Variants in GALNT10 observed in about 807,000 individuals in gnomAD.
The protein encoded by GALNT10 is polypeptide N-acetylgalactosaminyltransferase 10.
A neutral mutation model predicts 75.0 loss-of-function variants in GALNT10; 41 were observed. The observed-to-expected ratio is 0.55, with a 90% CI of 0.43 to 0.71. The LOEUF is 0.71. Among genes scored for constraint, GALNT10 ranks in the 30% least tolerant of loss-of-function variants. The probability of loss-of-function intolerance (pLI) is 0.00; values close to 1 mark genes in which losing one functional copy is unlikely to be tolerated. For missense variants in GALNT10, 727 were observed against 818.5 expected (o/e 0.89, Z 1.36); for synonymous variants, 302 against 313.0 (o/e 0.96, Z 0.37).
intron 1 of GALNT10, among the ~76,000 whole-genome samples, chr5:154,246,934 T>A (rs936189632): frequency 1.1e-4 from 17 of 152,254 alleles, no homozygotes; most frequent in African/African-American, 4.1e-4. Flanking sequence ...AGGGTTTTTA[T>A]GGTTTTAGGT....
Position 154,250,551 on chromosome 5 carries a change from T to C in GALNT10, c.160-44265T>C, listed in dbSNP as rs148550925. 4.7e-3 allele frequency among the ~76,000 whole-genome samples: 720 copies of C among 152,224 alleles called. 5 individuals are homozygous for C. Among genetic ancestry groups the C allele is most frequent in the African/African-American group, 0.016 (683 of 41,542 alleles). ...CAGCATGTACTCCCCAGGTTAAAGT[T>C]TCTCATCGCCCCAAGATGGCTGGTG... is the stretch of plus-strand genomic sequence containing the variant. On this transcript the variant is annotated intron_variant, in intron 1 of 11. Coordinates refer to ENST00000297107, the MANE Select transcript of GALNT10 (RefSeq NM_198321.4).
At chr5:154,306,810 C>A (rs1370427453) in intron 3 of GALNT10, among the ~76,000 whole-genome samples, 2 of 152,064 alleles carry the variant, frequency 1.3e-5, no homozygotes, top group Non-Finnish European at 2.9e-5. Flanking sequence ...ACCTCTGTCT[C>A]AATAACTGGT....
At chr5:154,312,363 C>T (rs1376512062) in intron 3 of GALNT10, among the ~76,000 whole-genome samples, 2 of 152,166 alleles carry the variant, frequency 1.3e-5, no homozygotes, top group African/African-American at 4.8e-5. Context: ...CCTCTCTATC[C>T]CCCCACTTTA....
chr5:154,354,819 T>C (rs1035885), intron 4 of GALNT10, among the ~76,000 whole-genome samples: 8,970 of 152,246 alleles, frequency 0.059, 823 homozygotes, highest in African/African-American at 0.2. Context: ...AGAGATGCCA[T>C]TGTAGCTCTT....
chr5:154,207,789 T>C (rs1775133938), intron 1 of GALNT10, among the ~76,000 whole-genome samples: 1 of 152,170 alleles, frequency 6.6e-6, no homozygotes, highest in Admixed American at 6.5e-5. Flanking sequence ...AAGCTCATTA[T>C]TCCTGGCCCC....
intron 7 of GALNT10, among the ~76,000 whole-genome samples, chr5:154,396,067 G>C (rs1157163037): frequency 6.6e-6 from 1 of 152,146 alleles, no homozygotes; most frequent in Non-Finnish European, 1.5e-5. Flanking sequence ...TGGTTGGCAG[G>C]TTGGCCAACA....
In GALNT10 at chr5:154,404,197, G is replaced by A. The variant is rs1406293735; in HGVS notation, c.1150G>A (p.Val384Ile). ...TGTGCCCTACAAGGTCCCGGCCGGAGTCAGCCTGGCCCGGGTAAGGTGGTG... is the reference window on the plus strand; with the variant it reads ...TGTGCCCTACAAGGTCCCGGCCGGAATCAGCCTGGCCCGGGTAAGGTGGTG... ...KYVPYKVPAG[V>I]SLARNLKRVA... is the part of the protein sequence containing the mutation. Residue 384 changes from valine (V) to isoleucine (I), a missense_variant, in exon 8 of 12, where the codon GTC (valine) becomes ATC (isoleucine). Transcript: ENST00000297107. 1.9e-6 allele frequency: 3 copies of A among 1,598,888 alleles called. No individual in the cohort carries two copies. The highest frequency in any genetic ancestry group is 2.7e-5 in the African/African-American group (2 of 74,708).
intron 3 of GALNT10, 139 bp from the exon 4 acceptor site, chr5:154,329,432 CA>C: frequency 1.5e-6 from 1 of 651,130 alleles, no homozygotes; most frequent in Non-Finnish European, 2.7e-6. Flanking sequence ...CCTGTGTGAC[CA>C]AGGTATCCCT....
intron 3 of GALNT10, among the ~76,000 whole-genome samples, chr5:154,299,553 A>G (rs1037007412): frequency 3.9e-5 from 6 of 152,228 alleles, no homozygotes; most frequent in Admixed American, 1.3e-4. Context: ...TAAGATCTCA[A>G]TCAGTAGAAT....
intron 3 of GALNT10, among the ~76,000 whole-genome samples, chr5:154,310,549 C>G (rs187548963): frequency 6.6e-6 from 1 of 152,070 alleles, no homozygotes; most frequent in East Asian, 1.9e-4. Flanking sequence ...CTCACTGCAT[C>G]CTCCACTTCC....
chr5:154,194,996 G>A lies in GALNT10; in HGVS notation c.159+3971G>A, dbSNP rs559098533. ...CTTGTAATGAGGCCACAACTTAAGG[G>A]TATGTTCATATTTGAATGTCTTTTC... is the stretch of plus-strand genomic sequence containing the variant. On this transcript the variant is annotated intron_variant, in intron 1 of 11. Transcript: ENST00000297107. Among the ~76,000 whole-genome samples the A allele has an allele frequency of 3.9e-5, 6 of 152,300 alleles. No homozygotes were observed. The South Asian group carries it at 1.2e-3, about 32-fold the overall frequency.
intron 4 of GALNT10, among the ~76,000 whole-genome samples, chr5:154,330,908 GGTGTGT>G (rs370103391): frequency 3.2e-5 from 4 of 126,036 alleles, no homozygotes; most frequent in East Asian, 5.1e-4. Flanking sequence ...AGACAGAGAG[GGTGTGT>G]GTGTGTGTGT....
At chr5:154,303,682 C>T (rs1446105558) in intron 3 of GALNT10, among the ~76,000 whole-genome samples, 1 of 152,112 alleles carries the variant, frequency 6.6e-6, no homozygotes, top group Non-Finnish European at 1.5e-5. Flanking sequence ...CTGGACCAGT[C>T]TAAAAATATC....
chr5:154,400,906 G>GCT (rs1207433700), intron 7 of GALNT10, among the ~76,000 whole-genome samples: 3 of 152,172 alleles, frequency 2.0e-5, no homozygotes, highest in Admixed American at 6.5e-5. Flanking sequence ...GCACTGGGAT[G>GCT]CTCTCAAAGG....
chr5:154,400,894 C>G (rs1756147093), intron 7 of GALNT10, among the ~76,000 whole-genome samples: 2 of 152,140 alleles, frequency 1.3e-5, no homozygotes, highest in South Asian at 4.1e-4. Flanking sequence ...TGGGCGTGGC[C>G]TGCACTGGGA....
intron 1 of GALNT10, among the ~76,000 whole-genome samples, chr5:154,198,077 C>T (rs1401312558): frequency 6.6e-6 from 1 of 152,132 alleles, no homozygotes; most frequent in African/African-American, 2.4e-5. Flanking sequence ...CACATAAGGT[C>T]ATGTGGTGGT....
intron 4 of GALNT10, among the ~76,000 whole-genome samples, chr5:154,359,836 T>A (rs1235244002): frequency 1.3e-5 from 2 of 151,512 alleles, no homozygotes; most frequent in Non-Finnish European, 2.9e-5. Flanking sequence ...CTCTACCCCA[T>A]CTTCCCTCCC....
rs540744812 is a variant in GALNT10 at position 154,291,976 on chromosome 5, A to C, written c.160-2840A>C. On this transcript the variant is annotated intron_variant, in intron 1 of 11. Coordinates refer to ENST00000297107, the MANE Select transcript of GALNT10 (RefSeq NM_198321.4). ...GTACTGGCATGTCTTTTAGGTTTTC[A>C]AGAGAAGCCAAAAATCTTGATAAAA... is the stretch of plus-strand genomic sequence containing the variant. 2.6e-5 allele frequency among the ~76,000 whole-genome samples: 4 copies of C among 152,334 alleles called. No individual in the cohort carries two copies. In the East Asian group the frequency reaches 7.7e-4, roughly 29 times the overall value.
chr5:154,225,504 A>G (rs1412893819), intron 1 of GALNT10, among the ~76,000 whole-genome samples: 3 of 146,098 alleles, frequency 2.1e-5, no homozygotes, highest in Non-Finnish European at 3.0e-5. Flanking sequence ...AGTCCTCCCA[A>G]CTCAGCCTCC....
Sources: gnomAD v4.1 joint callset for allele counts (sites outside exome capture counted in the v4.1 genomes callset) on GRCh38, gnomAD v4.1.1 for gene constraint, MANE v1.5 for transcripts, NCBI Gene and HGNC (gene_info 2026-07-23, HGNC 2026-07-21) for gene names.